HNRNPUL2: variants seen among roughly 807,000 people sequenced by gnomAD.
HNRNPUL2 encodes the protein heterogeneous nuclear ribonucleoprotein U like 2.
HNRNPUL2 carries 27 observed loss-of-function variants against 102.2 expected under a neutral mutation model. The ratio of observed to expected loss-of-function variants is 0.26; its 90% CI spans 0.19 to 0.36. HNRNPUL2 has a LOEUF of 0.36. HNRNPUL2 is among the 10% of genes least tolerant of loss of function. The pLI is 1.00. For synonymous variants in HNRNPUL2, 458 were observed against 387.2 expected (o/e 1.18, Z -2.15); for missense variants, 936 against 981.1 (o/e 0.95, Z 0.61).
At chr11:62,725,602 G>A (rs1429465820) in intron 1 of HNRNPUL2, among the ~76,000 whole-genome samples, 1 of 152,222 alleles carries the variant, frequency 6.6e-6, no homozygotes, top group Non-Finnish European at 1.5e-5. Flanking sequence ...TCTGCAAGTT[G>A]CATGTGATTG....
Position 62,721,887 on chromosome 11 carries a change from T to C in HNRNPUL2, c.1415A>G (p.Tyr472Cys). 6.2e-7 allele frequency: 1 copy of C among 1,614,184 alleles called. No individual in the cohort carries two copies. The highest frequency in any genetic ancestry group is 1.1e-5 in the South Asian group (1 of 91,082). Residue 472 changes from tyrosine (Y) to cysteine (C), a missense_variant, in exon 8 of 14, where the codon TAT becomes TGT. Tyr to Cys is a radical substitution (Grantham distance 194). Coordinates refer to ENST00000301785, the MANE Select transcript of HNRNPUL2 (RefSeq NM_001079559.3). Reference protein sequence around the residue: ...GSGKTQWALKYAKENPEKRYN... With the variant: ...GSGKTQWALKCAKENPEKRYN... ...TCTTTTCTCAGGGTTTTCTTTTGCA[T>C]ATTTCAGTGCCCACTGGGTCTTTCC...
chr11:62,720,391 A>C (rs1255055544), intron 9 of HNRNPUL2, among the ~76,000 whole-genome samples, 200 bp from the exon 10 acceptor site: 2 of 152,066 alleles, frequency 1.3e-5, no homozygotes, highest in Admixed American at 1.3e-4. Context: ...ACTAAAATAC[A>C]AAAATTAACT....
At chr11:62,715,667 GT>G in intron 12 of HNRNPUL2, 60 bp from the exon 13 acceptor site, 1 of 1,276,188 alleles carries the variant, frequency 7.8e-7, no homozygotes, top group South Asian at 1.2e-5. Flanking sequence ...ATGACCCACC[GT>G]GACCCCCTTT....
Position 62,716,970 on chromosome 11 carries a change from G to T in HNRNPUL2, c.1981+19C>A. The T allele has an allele frequency of 6.2e-7, 1 of 1,611,616 alleles. No homozygotes were observed. The highest frequency in any genetic ancestry group is 8.5e-7 in the Non-Finnish European group (1 of 1,179,406). On this transcript the variant is annotated intron_variant, in intron 11 of 13. Coordinates refer to ENST00000301785, the MANE Select transcript of HNRNPUL2 (RefSeq NM_001079559.3). ...AAGAATGGACTGAAGTAGGGGGCTG[G>T]CAGGTCCCCAAGACTCACCATAGCC...
chr11:62,723,806 T>C, intron 3 of HNRNPUL2, 80 bp from the exon 4 acceptor site: 1 of 1,602,336 alleles, frequency 6.2e-7, no homozygotes, highest in East Asian at 2.2e-5. Flanking sequence ...TACCAGTTGT[T>C]GTAGTGGATA....
At chr11:62,724,792 T>C (rs1346383224) in intron 1 of HNRNPUL2, among the ~76,000 whole-genome samples, 2 of 152,236 alleles carry the variant, frequency 1.3e-5, no homozygotes, top group Admixed American at 6.5e-5. Context: ...TAATTTTGAC[T>C]CTTGTCAGAT....
At position 62,726,798 on chromosome 11, in the gene HNRNPUL2, T is replaced by C. The variant is rs753135244; in HGVS notation, c.359A>G (p.Glu120Gly). 6.3e-7 allele frequency: 1 copy of C among 1,597,190 alleles called. No individual in the cohort carries two copies. Among genetic ancestry groups the C allele is most frequent in the Non-Finnish European group, 8.5e-7 (1 of 1,177,872 alleles). Residue 120 changes from glutamate (E) to glycine (G), a missense_variant, in exon 1 of 14, where the codon GAG (glutamate) becomes GGG (glycine). Coordinates refer to ENST00000301785, the MANE Select transcript of HNRNPUL2 (RefSeq NM_001079559.3). ...GGAAGCATCTGGCTCGGCCGCGGCC[T>C]CCATGGCTGCCGCCTCCGGGGGCTC... is the stretch of plus-strand genomic sequence containing the variant. ...PPEPPEAAAM[E>G]AAAEPDASEK...
chr11:62,722,536 C>T (rs976871149), intron 6 of HNRNPUL2, 65 bp downstream of exon 6: 2 of 1,443,222 alleles, frequency 1.4e-6, no homozygotes, highest in East Asian at 4.5e-5. Flanking sequence ...ATGGGAAGCA[C>T]AAGTGAATTC....
At chr11:62,716,871 G>A (rs1237680429) in intron 11 of HNRNPUL2, 118 bp downstream of exon 11, 3 of 905,300 alleles carry the variant, frequency 3.3e-6, no homozygotes, top group African/African-American at 1.7e-5. Flanking sequence ...CCATGAAGAA[G>A]GCACTTCCGT....
intron 10 of HNRNPUL2, among the ~76,000 whole-genome samples, 182 bp downstream of exon 10, chr11:62,719,841 G>GCC (rs1000824717): frequency 4.6e-5 from 7 of 152,130 alleles, no homozygotes; most frequent in African/African-American, 1.4e-4. Flanking sequence ...TCTCACATGT[G>GCC]CCCTCTTGCC....
intron 11 of HNRNPUL2, 97 bp downstream of exon 11, chr11:62,716,892 A>G (rs1358483819): frequency 8.0e-7 from 1 of 1,243,004 alleles, no homozygotes; most frequent in African/African-American, 1.5e-5. Context: ...ATTGTTAATG[A>G]CCTGACTTGG....
chr11:62,718,796 T>C (rs1435917583), intron 10 of HNRNPUL2, among the ~76,000 whole-genome samples: 1 of 151,246 alleles, frequency 6.6e-6, no homozygotes, highest in African/African-American at 2.4e-5. Context: ...GCCTCTCCCT[T>C]GATCCTTTGA....
chr11:62,721,152 G>C, intron 9 of HNRNPUL2, 143 bp downstream of exon 9: 1 of 698,676 alleles, frequency 1.4e-6, no homozygotes, highest in South Asian at 1.9e-5. Flanking sequence ...ACTAATTAGG[G>C]GTACCTCTGA....
chr11:62,726,716 C>T lies in HNRNPUL2; in HGVS notation c.441G>A (p.Gln147=), dbSNP rs756533974. The part of the protein sequence containing the change: ...GSGGVNGGEE[Q]GLGKREEDEP... ...CGTCTTCCTCCCTCTTGCCGAGGCCCTGCTCTTCGCCACCATTTACCCCGC... is the reference window on the plus strand; with the variant it reads ...CGTCTTCCTCCCTCTTGCCGAGGCCTTGCTCTTCGCCACCATTTACCCCGC... Residue 147 remains glutamine (Q), a synonymous_variant, in exon 1 of 14, where the codon CAG becomes CAA. Coordinates refer to ENST00000301785, the MANE Select transcript of HNRNPUL2 (RefSeq NM_001079559.3). The T allele has an allele frequency of 6.2e-7, 1 of 1,600,912 alleles. No individual in the cohort carries two copies. The highest frequency in any genetic ancestry group is 8.5e-7 in the Non-Finnish European group (1 of 1,179,650).
intron 10 of HNRNPUL2, among the ~76,000 whole-genome samples, chr11:62,719,180 C>T (rs1007837920): frequency 1.3e-5 from 2 of 152,136 alleles, no homozygotes; most frequent in African/African-American, 2.4e-5. Context: ...CTAGGCACAG[C>T]GGCGTATGCC....
At position 62,721,922 on chromosome 11, in the gene HNRNPUL2, T is replaced by C. The variant is rs562479885; in HGVS notation, c.1380A>G (p.Leu460=). Residue 460 remains leucine (L), a synonymous_variant, in exon 8 of 14, where the codon CTA becomes CTG. Coordinates refer to ENST00000301785, the MANE Select transcript of HNRNPUL2 (RefSeq NM_001079559.3). ...EECEVILMVG[L]PGSGKTQWAL... ...CCCACTGGGTCTTTCCAGATCCGGG[T>C]AGTCCCACCATCAGAATCACCTGCA... The C allele has an allele frequency of 3.7e-6, 6 of 1,614,134 alleles. No homozygotes were observed. The highest frequency in any genetic ancestry group is 2.7e-5 in the African/African-American group (2 of 75,020).
chr11:62,722,512 A>T, intron 6 of HNRNPUL2, 89 bp downstream of exon 6: 1 of 1,415,724 alleles, frequency 7.1e-7, no homozygotes, highest in Non-Finnish European at 1.0e-6. Flanking sequence ...CACATGCATA[A>T]AAGCCAGCAG....
At position 62,726,584 on chromosome 11, in the gene HNRNPUL2, C is replaced by G; in HGVS notation, c.538+35G>C. ...GGTGCTAGATCAGGGGCGCAGCCGG[C>G]AGGTTGGAGCCGGGCTCGGCTGCCA... On this transcript the variant is annotated intron_variant, in intron 1 of 13. Coordinates refer to ENST00000301785, the MANE Select transcript of HNRNPUL2 (RefSeq NM_001079559.3). 2.7e-6 allele frequency: 4 copies of G among 1,489,782 alleles called. No individual in the cohort carries two copies. The East Asian group carries it at 1.0e-4, about 37-fold the overall frequency. 92.3% of individuals were successfully genotyped at this position (1,489,782 alleles called of 1,614,324 possible).
rs114336680 is a variant in HNRNPUL2 at position 62,721,913 on chromosome 11, A to G, written c.1389T>C (p.Ser463=). The G allele has an allele frequency of 1.5e-3, 2,353 of 1,614,128 alleles. 32 individuals are homozygous for G. The African/African-American group carries it at 0.029, about 20-fold the overall frequency. The change falls in exon 8 of 14, where the codon TCT becomes TCC. Residue 463 remains serine, a synonymous_variant. Transcript: ENST00000301785. ...EVILMVGLPG[S]GKTQWALKYA... is the part of the protein sequence containing the mutation. ...ATTTCAGTGCCCACTGGGTCTTTCCAGATCCGGGTAGTCCCACCATCAGAA... is the reference window on the plus strand; with the variant it reads ...ATTTCAGTGCCCACTGGGTCTTTCCGGATCCGGGTAGTCCCACCATCAGAA...
Sources: allele counts gnomAD v4.1 joint callset (sites outside exome capture counted in the v4.1 genomes callset), GRCh38; gene constraint gnomAD v4.1.1; transcripts MANE v1.5; gene names NCBI Gene and HGNC (gene_info 2026-07-23, HGNC 2026-07-21).